SH3RF2: variants seen among roughly 807,000 people sequenced by gnomAD.
SH3RF2 encodes E3 ubiquitin-protein ligase SH3RF2.
In SH3RF2, 43 loss-of-function variants were observed where a neutral mutation model predicts 59.0. The observed-to-expected ratio is 0.73, with a 90% confidence interval of 0.57 to 0.94. The LOEUF is 0.94. SH3RF2 is among the 40% of genes least tolerant of loss of function. The pLI is 0.00. For synonymous variants in SH3RF2, 391 were observed against 391.5 expected (o/e 1.00, Z 0.01); for missense variants, 930 against 940.1 (o/e 0.99, Z 0.14).
At chr5:145,943,179 G>T (rs1182369995) in intron 2 of SH3RF2, among the ~76,000 whole-genome samples, 2 of 151,740 alleles carry the variant, frequency 1.3e-5, no homozygotes, top group Non-Finnish European at 2.9e-5. Flanking sequence ...GAGAAAGTCA[G>T]CTGGCACTAG....
chr5:145,963,243 A>ATGG (rs1758704310), intron 2 of SH3RF2, among the ~76,000 whole-genome samples: 2 of 147,928 alleles, frequency 1.4e-5, no homozygotes, highest in African/African-American at 5.1e-5. Flanking sequence ...ATACTGGATG[A>ATGG]ATGGATGGAT....
intron 2 of SH3RF2, among the ~76,000 whole-genome samples, chr5:145,986,373 T>G (rs1759705697): frequency 6.6e-6 from 1 of 152,130 alleles, no homozygotes; most frequent in African/African-American, 2.4e-5. Context: ...CTCTGCATGG[T>G]GTATTTGGCT....
At position 146,062,865 on chromosome 5, in the gene SH3RF2, T is replaced by A; in HGVS notation, c.*164T>A. ...AAAGTGGGAGCAGAAATTCCTGCCC[T>A]GGGTGGGAGGATAGATGGCGTGGCC... On this transcript the variant is annotated 3_prime_UTR_variant, in exon 10 of 10. Transcript: ENST00000359120. 1 of 897,874 alleles carries A rather than the reference T, an allele frequency of 1.1e-6. No homozygotes were observed. Among genetic ancestry groups the A allele is most frequent in the Non-Finnish European group, 1.6e-6 (1 of 609,290 alleles). The allele number at this position is 897,874 out of a possible 1,614,324, so 55.6% of individuals were successfully genotyped here. A position where few individuals can be genotyped will look rare whatever the true frequency, so the allele number is the denominator to read the frequency against.
In SH3RF2 at chr5:146,013,853, C is replaced by A; in HGVS notation, c.851C>A (p.Thr284Asn). The A allele has an allele frequency of 6.2e-7, 1 of 1,614,166 alleles. No individual in the cohort carries two copies. The highest frequency in any genetic ancestry group is 8.5e-7 in the Non-Finnish European group (1 of 1,180,024). The change falls in exon 5 of 10, where the codon ACC becomes AAC. Residue 284 changes from threonine to asparagine, a missense_variant. Transcript: ENST00000359120. ...TCGTCCTCCAGAGGCAACACGTCTA[C>A]CCTCCGTAGGGGCCCAGGGTCCAGG... ...VSSSSRGNTS[T>N]LRRGPGSRRK...
rs760765516 is a variant in SH3RF2 at position 146,059,995 on chromosome 5, C to A, written c.1685C>A (p.Ser562Tyr). The A allele has an allele frequency of 5.6e-6, 9 of 1,594,616 alleles. No homozygotes were observed. In the Admixed American group the frequency reaches 1.4e-4, roughly 25 times the overall value. The change falls in exon 9 of 10, where the codon TCC (serine) becomes TAC (tyrosine). Residue 562 changes from serine to tyrosine, a missense_variant. Physicochemically the swap from Ser to Tyr is moderately radical, Grantham distance 144. Coordinates refer to ENST00000359120, the MANE Select transcript of SH3RF2 (RefSeq NM_152550.4). Reference protein sequence around the residue: ...QFYQPQGIPSSPSAVVVEMGS... With the variant: ...QFYQPQGIPSYPSAVVVEMGS... ...TACCAGCCACAGGGGATCCCCTCCT[C>A]CCCCTCAGCCGTGGTGGTGGAGATG...
intron 7 of SH3RF2, 138 bp from the exon 8 acceptor site, chr5:146,055,843 T>G: frequency 1.1e-6 from 1 of 923,288 alleles, no homozygotes; most frequent in South Asian, 1.6e-5. Context: ...ACAAAATGGG[T>G]GTGTATGGGT....
intron 5 of SH3RF2, among the ~76,000 whole-genome samples, chr5:146,044,140 T>G (rs987050573): frequency 4.6e-4 from 30 of 65,308 alleles, no homozygotes; most frequent in East Asian, 4.2e-3. Context: ...TCCGTTTTTG[T>G]TTTTTTTTGT....
At chr5:145,980,847 G>A (rs903184299) in intron 2 of SH3RF2, among the ~76,000 whole-genome samples, 5 of 151,866 alleles carry the variant, frequency 3.3e-5, no homozygotes, top group East Asian at 1.9e-4. Flanking sequence ...TATACCTATC[G>A]CCCAGCCTCC....
chr5:145,975,580 T>A (rs1011958425), intron 2 of SH3RF2, among the ~76,000 whole-genome samples: 10 of 152,224 alleles, frequency 6.6e-5, no homozygotes, highest in African/African-American at 2.2e-4. Flanking sequence ...CCCCAGCTGG[T>A]TCCCTCTGTG....
intron 7 of SH3RF2, among the ~76,000 whole-genome samples, chr5:146,055,016 A>G (rs565016606): frequency 6.6e-6 from 1 of 152,256 alleles, no homozygotes; most frequent in Non-Finnish European, 1.5e-5. Flanking sequence ...GTCACTCCCC[A>G]TGGAGTTCAG....
chr5:146,034,278 T>C (rs1433959331), intron 5 of SH3RF2, among the ~76,000 whole-genome samples: 3 of 152,176 alleles, frequency 2.0e-5, no homozygotes, highest in African/African-American at 7.2e-5. Flanking sequence ...GTCCTGAGCT[T>C]GTGTGGCTCA....
downstream of SH3RF2, among the ~76,000 whole-genome samples, chr5:146,067,797 G>C (rs530532312): frequency 7.2e-5 from 11 of 151,862 alleles, no homozygotes; most frequent in Non-Finnish European, 1.3e-4. Flanking sequence ...CCACACCCCG[G>C]TCCTTCCCTC....
chr5:146,076,473 A>G (rs1763343760), intron 9 of SH3RF2, among the ~76,000 whole-genome samples: 1 of 152,174 alleles, frequency 6.6e-6, no homozygotes, highest in Non-Finnish European at 1.5e-5. Flanking sequence ...TAAATAACAA[A>G]ATGAACCCCC....
At chr5:146,078,695 G>A (rs1463051273) in exon 10 of SH3RF2, 1 of 152,232 alleles carries the variant, frequency 6.6e-6, no homozygotes, top group Non-Finnish European at 1.5e-5. Flanking sequence ...GGCCAGAATG[G>A]AGGAAAGCAA....
At chr5:146,019,947 T>A (rs1000966578) in intron 5 of SH3RF2, among the ~76,000 whole-genome samples, 3 of 152,216 alleles carry the variant, frequency 2.0e-5, no homozygotes, top group Non-Finnish European at 1.5e-5. Flanking sequence ...CTGATTTGTG[T>A]ACATCGATTT....
rs1427754183 is a variant in SH3RF2, at chr5:146,012,214, C to G, written c.745-1533C>G. Among the ~76,000 whole-genome samples, 3 of 152,010 alleles carry G rather than the reference C, an allele frequency of 2.0e-5. No individual in the cohort carries two copies. In the East Asian group the frequency reaches 5.8e-4, roughly 29 times the overall value. On this transcript the variant is annotated intron_variant, in intron 4 of 9. Coordinates refer to ENST00000359120, the MANE Select transcript of SH3RF2 (RefSeq NM_152550.4). Reference sequence around the variant, plus strand: ...ATTTGCGTATGTTGAACCAGCCTTGCACTTGATGATGGTGGATAAGCTTTT... The same window carrying G: ...ATTTGCGTATGTTGAACCAGCCTTGGACTTGATGATGGTGGATAAGCTTTT...
chr5:145,987,370 T>C (rs1336069551), intron 2 of SH3RF2, among the ~76,000 whole-genome samples: 5 of 152,186 alleles, frequency 3.3e-5, no homozygotes, highest in African/African-American at 1.2e-4. Context: ...CAAAGTCTAT[T>C]GTATCATTCT....
intron 2 of SH3RF2, among the ~76,000 whole-genome samples, chr5:145,964,630 A>C (rs1484764634): frequency 6.6e-6 from 1 of 151,922 alleles, no homozygotes; most frequent in Non-Finnish European, 1.5e-5. Context: ...TTATTGCTGC[A>C]TCACCATACT....
intron 2 of SH3RF2, among the ~76,000 whole-genome samples, chr5:145,952,976 G>A (rs544045687): frequency 2.6e-5 from 4 of 152,168 alleles, no homozygotes; most frequent in Admixed American, 6.5e-5. Context: ...TGCCCCCAAA[G>A]GCAAAGTACA....
Sources: allele counts gnomAD v4.1 joint callset (sites outside exome capture counted in the v4.1 genomes callset), GRCh38; gene constraint gnomAD v4.1.1; transcripts MANE v1.5; gene names NCBI Gene and HGNC (gene_info 2026-07-23, HGNC 2026-07-21).